The following FRMD5 variants were observed in gnomAD, a reference collection of about 807,000 sequenced individuals.
The protein encoded by FRMD5 is FERM domain containing 5.
Under a neutral mutation model 69.0 loss-of-function variants are expected in FRMD5, and 20 were observed. The observed-to-expected ratio is 0.29, with a 90% confidence interval of 0.20 to 0.42. The LOEUF is 0.42. FRMD5 is among the 10% of genes least tolerant of loss of function. The probability of loss-of-function intolerance (pLI) is 1.00; values close to 1 mark genes in which losing one functional copy is unlikely to be tolerated. For missense variants in FRMD5, 595 were observed against 708.6 expected (o/e 0.84, Z 1.82); for synonymous variants, 271 against 260.1 (o/e 1.04, Z -0.40).
upstream of FRMD5, among the ~76,000 whole-genome samples, chr15:44,198,323 T>C (rs2078323687): frequency 1.7e-5 from 2 of 115,586 alleles, no homozygotes; most frequent in South Asian, 7.0e-4. Context: ...CCAGATCCTG[T>C]CTCAAAAAAA....
At chr15:43,928,940 T>C (rs2089630890) in intron 1 of FRMD5, among the ~76,000 whole-genome samples, 1 of 152,234 alleles carries the variant, frequency 6.6e-6, no homozygotes, top group African/African-American at 2.4e-5. Flanking sequence ...GTTATTCTCT[T>C]CCCAAAGACA....
At chr15:44,178,150 T>C (rs140618395) in intron 1 of FRMD5, among the ~76,000 whole-genome samples, 2 of 152,058 alleles carry the variant, frequency 1.3e-5, no homozygotes, top group Non-Finnish European at 2.9e-5. Context: ...AGTGAAACTC[T>C]ATCTCTACTA....
At chr15:44,079,792 A>G (rs1346153087) in intron 1 of FRMD5, among the ~76,000 whole-genome samples, 7 of 152,146 alleles carry the variant, frequency 4.6e-5, no homozygotes, top group Non-Finnish European at 8.8e-5. Flanking sequence ...GAAATGGAAT[A>G]TTATTCAGTC....
intron 1 of FRMD5, among the ~76,000 whole-genome samples, chr15:44,075,076 G>A (rs1314337047): frequency 6.6e-6 from 1 of 152,168 alleles, no homozygotes; most frequent in Non-Finnish European, 1.5e-5. Flanking sequence ...GGAAATGGCT[G>A]ATTACTTGGC....
At chr15:43,930,385 A>G (rs1007306733) in intron 1 of FRMD5, among the ~76,000 whole-genome samples, 4 of 152,132 alleles carry the variant, frequency 2.6e-5, no homozygotes, top group African/African-American at 7.2e-5. Context: ...GCTCACCCCT[A>G]CCCAGGTACT....
chr15:44,185,184 GT>G (rs993113316), intron 1 of FRMD5, among the ~76,000 whole-genome samples: 1 of 152,154 alleles, frequency 6.6e-6, no homozygotes, highest in Non-Finnish European at 1.5e-5. Flanking sequence ...TCCTCTCCTG[GT>G]TTTTTTAAAA....
At chr15:44,034,855 T>C (rs1286050289) in intron 1 of FRMD5, among the ~76,000 whole-genome samples, 2 of 152,120 alleles carry the variant, frequency 1.3e-5, no homozygotes, top group Non-Finnish European at 2.9e-5. Flanking sequence ...ACCTAACAAC[T>C]GGGTGCTTCT....
intron 4 of FRMD5, chr15:43,918,890 C>T: frequency 6.1e-6 from 1 of 165,264 alleles, no homozygotes; most frequent in Non-Finnish European, 1.3e-5. Flanking sequence ...TCTTTTCATC[C>T]TCAAGTGGCG....
chr15:44,112,776 T>C (rs926179664), intron 1 of FRMD5, among the ~76,000 whole-genome samples: 1 of 152,064 alleles, frequency 6.6e-6, no homozygotes, highest in Non-Finnish European at 1.5e-5. Flanking sequence ...CCTGTATTTT[T>C]AGTAGAGATG....
intron 1 of FRMD5, among the ~76,000 whole-genome samples, chr15:44,047,138 C>T (rs1441293208): frequency 6.6e-6 from 1 of 152,122 alleles, no homozygotes; most frequent in Non-Finnish European, 1.5e-5. Context: ...GAAACCCTGT[C>T]TTTACTAAAA....
At chr15:44,129,833 G>T (rs1395891221) in intron 1 of FRMD5, among the ~76,000 whole-genome samples, 2 of 152,096 alleles carry the variant, frequency 1.3e-5, no homozygotes, top group Non-Finnish European at 2.9e-5. Flanking sequence ...GCTTTCACTT[G>T]CAGCAGTTCC....
chr15:43,894,615 G>A (rs2088871847), intron 7 of FRMD5, among the ~76,000 whole-genome samples: 2 of 152,026 alleles, frequency 1.3e-5, no homozygotes, highest in African/African-American at 4.8e-5. Context: ...TGGGCCTGCA[G>A]GAGGCTACTG....
At chr15:44,091,335 T>A (rs1234389281) in intron 1 of FRMD5, among the ~76,000 whole-genome samples, 1 of 152,114 alleles carries the variant, frequency 6.6e-6, no homozygotes, top group Non-Finnish European at 1.5e-5. Flanking sequence ...TAGCCTGATA[T>A]ATATAGATAT....
rs139242411 is a variant in FRMD5 at position 43,920,014 on chromosome 15, T to G, written c.208-205A>C. On this transcript the variant is annotated intron_variant, in intron 2 of 13. Transcript: ENST00000417257. Reference sequence around the variant, plus strand: ...GAGCCAGCTGTGAAGGGGGGAATAGTTCCAGCTTCAGATGCCATTTATGGG... The same window carrying G: ...GAGCCAGCTGTGAAGGGGGGAATAGGTCCAGCTTCAGATGCCATTTATGGG... 3.5e-4 allele frequency among the ~76,000 whole-genome samples: 53 copies of G among 152,322 alleles called. No homozygotes were observed. The East Asian group carries it at 0.01, about 29-fold the overall frequency.
At chr15:43,877,205 T>C (rs1347967021) in intron 13 of FRMD5, among the ~76,000 whole-genome samples, 1 of 152,192 alleles carries the variant, frequency 6.6e-6, no homozygotes, top group Non-Finnish European at 1.5e-5. Flanking sequence ...GCCAGTCCCC[T>C]TCTGTTGCCC....
intron 1 of FRMD5, among the ~76,000 whole-genome samples, chr15:43,983,764 C>T (rs982767687): frequency 6.6e-6 from 1 of 152,292 alleles, no homozygotes; most frequent in South Asian, 2.1e-4. Context: ...CAGGAGAGTA[C>T]TAAGGTCCTC....
intron 1 of FRMD5, among the ~76,000 whole-genome samples, chr15:44,097,582 T>G (rs1338240479): frequency 6.6e-6 from 1 of 152,236 alleles, no homozygotes; most frequent in Non-Finnish European, 1.5e-5. Flanking sequence ...CCTTTAACAC[T>G]GTATATAGAA....
chr15:43,906,593 A>G (rs928534448), intron 5 of FRMD5, among the ~76,000 whole-genome samples: 5 of 151,952 alleles, frequency 3.3e-5, no homozygotes, highest in African/African-American at 4.8e-5. Context: ...AGAAGCATCA[A>G]GTTCTTTTTT....
chr15:44,076,151 A>C (rs1893754501), intron 1 of FRMD5, among the ~76,000 whole-genome samples: 1 of 152,278 alleles, frequency 6.6e-6, no homozygotes, highest in East Asian at 1.9e-4. Context: ...GTGGAGAAAT[A>C]GTAACACTTT....
Sources: allele counts gnomAD v4.1 joint callset (sites outside exome capture counted in the v4.1 genomes callset), GRCh38; gene constraint gnomAD v4.1.1; transcripts MANE v1.5; gene names NCBI Gene and HGNC (gene_info 2026-07-23, HGNC 2026-07-21).